The following ADHFE1 variants were observed in gnomAD, a reference collection of about 807,000 sequenced individuals.
ADHFE1 encodes the protein alcohol dehydrogenase iron containing 1.
ADHFE1 carries 37 observed loss-of-function variants against 54.8 expected under a neutral mutation model. The observed-to-expected ratio is 0.68, with a 90% confidence interval of 0.52 to 0.89. The LOEUF (loss-of-function observed/expected upper bound fraction) is 0.89. ADHFE1 is among the 40% of genes least tolerant of loss of function. The probability of loss-of-function intolerance (pLI) is 0.00; values close to 1 mark genes in which losing one functional copy is unlikely to be tolerated. For missense variants in ADHFE1, 601 were observed against 591.2 expected (o/e 1.02, Z -0.17); for synonymous variants, 203 against 229.3 (o/e 0.89, Z 1.04).
At chr8:66,455,896 C>T (rs904391539) in intron 10 of ADHFE1, among the ~76,000 whole-genome samples, 1 of 152,194 alleles carries the variant, frequency 6.6e-6, no homozygotes, top group Non-Finnish European at 1.5e-5. Flanking sequence ...GCCAGAATTG[C>T]TCCACTCCAG....
Position 66,439,639 on chromosome 8 carries a change from G to T in ADHFE1, c.60-523G>T. 1.0e-6 allele frequency: 1 copy of T among 985,978 alleles called. No individual in the cohort carries two copies. Among genetic ancestry groups the T allele is most frequent in the Non-Finnish European group, 1.2e-6 (1 of 830,398 alleles). 61.1% of individuals were successfully genotyped at this position (985,978 alleles called of 1,614,324 possible). A position where few individuals can be genotyped will look rare whatever the true frequency, so the allele number is the denominator to read the frequency against. On this transcript the variant is annotated intron_variant, in intron 1 of 13. Transcript: ENST00000396623. This position sits in a 1 kb window ranked among gnomAD's most constrained non-coding sequence, Gnocchi z 4.4. ...CTGGGCAGAGAAAGATGGGGACCAG[G>T]GAGGTCTTTGGGTCCAGGAAGTTCT...
intron 10 of ADHFE1, 143 bp downstream of exon 10, chr8:66,454,300 T>C: frequency 1.4e-6 from 1 of 720,692 alleles, no homozygotes; most frequent in South Asian, 2.6e-5. Flanking sequence ...TGTATTCTTC[T>C]TTTTCTTTTT....
At position 66,453,623 on chromosome 8, in the gene ADHFE1, G is replaced by A. The variant is rs566911510; in HGVS notation, c.888-436G>A. 22 of 1,169,592 alleles carry A rather than the reference G, an allele frequency of 1.9e-5. 1 individual carries two copies. The South Asian group carries it at 2.5e-4, about 13-fold the overall frequency. 72.5% of individuals were successfully genotyped at this position (1,169,592 alleles called of 1,614,324 possible). A position where few individuals can be genotyped will look rare whatever the true frequency, so the allele number is the denominator to read the frequency against. Reference sequence around the variant, plus strand: ...ACAGATATAAAGAGGCCCCCAGTGGGTCCAGTGGGAGGCAGTGTCTCAGAG... The same window carrying A: ...ACAGATATAAAGAGGCCCCCAGTGGATCCAGTGGGAGGCAGTGTCTCAGAG... On this transcript the variant is annotated intron_variant, in intron 9 of 13. Coordinates refer to ENST00000396623, the MANE Select transcript of ADHFE1 (RefSeq NM_144650.3).
In ADHFE1 at chr8:66,454,123, G is replaced by A. The variant is rs1211690378; in HGVS notation, c.952G>A (p.Gly318Ser). The A allele has an allele frequency of 1.2e-6, 2 of 1,614,080 alleles. No individual in the cohort carries two copies. Among genetic ancestry groups the A allele is most frequent in the East Asian group, 2.2e-5 (1 of 44,878 alleles). The change falls in exon 10 of 14, where the codon GGC (glycine) becomes AGC (serine). Residue 318 changes from glycine to serine, a missense_variant. Gly to Ser is a moderately conservative substitution (Grantham distance 56). Transcript: ENST00000396623. ...TATGCACTTGGCAAGTGCTTTTGCTGGCATCGGCTTTGGAAATGCTGGTGT... is the reference window on the plus strand; with the variant it reads ...TATGCACTTGGCAAGTGCTTTTGCTAGCATCGGCTTTGGAAATGCTGGTGT... Reference protein sequence around the residue: ...SHMHLASAFAGIGFGNAGVHL... With the variant: ...SHMHLASAFASIGFGNAGVHL...
In ADHFE1 at chr8:66,451,992, G is replaced by A; in HGVS notation, c.774G>A (p.Leu258=). Residue 258 remains leucine (L), a synonymous_variant, in exon 9 of 14, where the codon CTG becomes CTA. Coordinates refer to ENST00000396623, the MANE Select transcript of ADHFE1 (RefSeq NM_144650.3). ...LESYTTLPYH[L]RSPCPSNPIT... ...CATACACCACCCTGCCCTACCACCT[G>A]CGGAGCCCCTGCCCTTCAAATCCCA... The A allele has an allele frequency of 1.9e-6, 3 of 1,614,146 alleles. No individual in the cohort carries two copies. The highest frequency in any genetic ancestry group is 3.3e-4 in the Middle Eastern group (2 of 6,062).
chr8:66,439,447 A>C lies in ADHFE1; in HGVS notation c.60-715A>C. The stretch of plus-strand genomic sequence containing the variant: ...CAGGACAGGAAGAGGGACCACAGCC[A>C]GGGGAGGGAGGGTTTCCAAAAAGGA... On this transcript the variant is annotated intron_variant, in intron 1 of 13. Transcript: ENST00000396623. This position sits in a 1 kb window ranked among gnomAD's most constrained non-coding sequence, Gnocchi z 4.4. The C allele has an allele frequency of 1.0e-6, 1 of 986,088 alleles. No individual in the cohort carries two copies. Among genetic ancestry groups the C allele is most frequent in the Non-Finnish European group, 1.2e-6 (1 of 830,312 alleles). The allele number at this position is 986,088 out of a possible 1,614,324, so 61.1% of individuals were successfully genotyped here.
At chr8:66,434,835 T>C (rs1805380795) in intron 1 of ADHFE1, among the ~76,000 whole-genome samples, 1 of 152,194 alleles carries the variant, frequency 6.6e-6, no homozygotes, top group African/African-American at 2.4e-5. Flanking sequence ...TGTGCAGCCC[T>C]GCACAGGGTG....
In ADHFE1 at chr8:66,464,041, C is replaced by T. The variant is rs1401348821; in HGVS notation, c.1320+3576C>T. 2.6e-5 allele frequency among the ~76,000 whole-genome samples: 4 copies of T among 152,204 alleles called. No homozygotes were observed. The East Asian group carries it at 7.7e-4, about 29-fold the overall frequency. On this transcript the variant is annotated intron_variant, in intron 13 of 13. Coordinates refer to ENST00000396623, the MANE Select transcript of ADHFE1 (RefSeq NM_144650.3). ...ATCAAAACATTTCATTACTGAGGAG[C>T]GCTGTCTACCCAAATGAGCACTTCC... is the stretch of plus-strand genomic sequence containing the variant.
At position 66,454,100 on chromosome 8, in the gene ADHFE1, T is replaced by A. The variant is rs1388247597; in HGVS notation, c.929T>A (p.Met310Lys). The change falls in exon 10 of 14, where the codon ATG (methionine) becomes AAG (lysine). Residue 310 changes from methionine to lysine, a missense_variant. Met to Lys is a moderately conservative substitution (Grantham distance 95). Transcript: ENST00000396623. ...GATGATCTTGAAGCAAGGTCTCATA[T>A]GCACTTGGCAAGTGCTTTTGCTGGC... The part of the protein sequence containing the change: ...NPDDLEARSH[M>K]HLASAFAGIG... 1 of 1,614,252 alleles carries A rather than the reference T, an allele frequency of 6.2e-7. No individual in the cohort carries two copies. The highest frequency in any genetic ancestry group is 1.1e-5 in the South Asian group (1 of 91,090).
intron 13 of ADHFE1, among the ~76,000 whole-genome samples, chr8:66,464,831 G>A (rs1285979261): frequency 6.6e-6 from 1 of 151,918 alleles, no homozygotes; most frequent in Non-Finnish European, 1.5e-5. Context: ...TTTTAATCAT[G>A]CCAAACAAGT....
chr8:66,433,306 C>A (rs1387149834), intron 1 of ADHFE1, among the ~76,000 whole-genome samples: 2 of 152,194 alleles, frequency 1.3e-5, no homozygotes, highest in Non-Finnish European at 2.9e-5. Context: ...AGAAGAGCAA[C>A]ACCAGCGATG....
intron 13 of ADHFE1, among the ~76,000 whole-genome samples, chr8:66,461,293 G>A (rs1274355328): frequency 6.6e-6 from 1 of 152,184 alleles, no homozygotes; most frequent in African/African-American, 2.4e-5. Context: ...TCACCTCAAT[G>A]CTATGAGGGT....
At chr8:66,460,036 C>T in intron 12 of ADHFE1, 1 of 405,054 alleles carries the variant, frequency 2.5e-6, no homozygotes, top group Non-Finnish European at 4.5e-6. Context: ...ACTTTCTTGC[C>T]TTGTTCTGCA....
chr8:66,449,695 G>A (rs1031561734), intron 8 of ADHFE1, among the ~76,000 whole-genome samples: 9 of 152,186 alleles, frequency 5.9e-5, no homozygotes, highest in Non-Finnish European at 8.8e-5. Context: ...CATTCAGCAT[G>A]TGCCAAATGA....
At chr8:66,447,422 C>A in intron 7 of ADHFE1, 81 bp downstream of exon 7, 1 of 1,213,224 alleles carries the variant, frequency 8.2e-7, no homozygotes, top group Non-Finnish European at 1.2e-6. Flanking sequence ...AAAAATCAAG[C>A]AGTTATGATA....
chr8:66,452,150 T>G, intron 9 of ADHFE1, 45 bp downstream of exon 9: 2 of 1,602,062 alleles, frequency 1.2e-6, no homozygotes, highest in Non-Finnish European at 1.7e-6. Flanking sequence ...GAGGCCCACA[T>G]TCTGCCAGCA....
chr8:66,446,688 G>A (rs1563489518), intron 6 of ADHFE1, among the ~76,000 whole-genome samples: 1 of 152,122 alleles, frequency 6.6e-6, no homozygotes, highest in Non-Finnish European at 1.5e-5. Context: ...TATTAAACAT[G>A]ACCATGTTAA....
intron 13 of ADHFE1, among the ~76,000 whole-genome samples, chr8:66,466,359 C>T (rs1309396756): frequency 1.3e-5 from 2 of 151,876 alleles, no homozygotes; most frequent in Non-Finnish European, 2.9e-5. Context: ...GTGCTGGGAC[C>T]ACCGCACTGG....
intron 12 of ADHFE1, chr8:66,459,498 G>A (rs1806784863): frequency 1.3e-5 from 2 of 148,490 alleles, no homozygotes; most frequent in South Asian, 4.2e-4. Context: ...CAGGACTCAA[G>A]TGATTCTCCT....
Sources: gnomAD v4.1 joint callset for allele counts (sites outside exome capture counted in the v4.1 genomes callset) on GRCh38, gnomAD v4.1.1 for gene constraint, Gnocchi (gnomAD v3.1) non-coding constraint, MANE v1.5 for transcripts, NCBI Gene and HGNC (gene_info 2026-07-23, HGNC 2026-07-21) for gene names.